The following CNTNAP2 variants were observed in gnomAD, a reference collection of about 807,000 sequenced individuals.
The protein encoded by CNTNAP2 is contactin associated protein 2, also known as contactin-associated protein-like 2.
Under a neutral mutation model 155.2 loss-of-function variants are expected in CNTNAP2, and 98 were observed. The ratio of observed to expected loss-of-function variants is 0.63; its 90% CI spans 0.54 to 0.75. CNTNAP2 has a LOEUF of 0.75. Among genes scored for constraint, CNTNAP2 ranks in the 30% least tolerant of loss-of-function variants. The pLI, the probability that CNTNAP2 is intolerant of heterozygous loss-of-function variation, is 0.00. For missense variants in CNTNAP2, 1,727 were observed against 1,688.1 expected (o/e 1.02, Z -0.40); for synonymous variants, 651 against 631.2 (o/e 1.03, Z -0.47).
At chr7:148,000,858 G>A (rs1801883824) in intron 15 of CNTNAP2, among the ~76,000 whole-genome samples, 1 of 152,212 alleles carries the variant, frequency 6.6e-6, no homozygotes, top group Admixed American at 6.5e-5. Context: ...GGAGCCAGAA[G>A]TTCAAAGTCA....
chr7:147,608,687 G>C (rs144797314), intron 12 of CNTNAP2, among the ~76,000 whole-genome samples: 169 of 152,272 alleles, frequency 1.1e-3, no homozygotes, highest in Non-Finnish European at 1.9e-3. Flanking sequence ...ATGAAGAAAG[G>C]GTTAAGGAGT....
intron 4 of CNTNAP2, among the ~76,000 whole-genome samples, chr7:147,104,425 G>A (rs750700382): frequency 2.6e-5 from 4 of 151,676 alleles, no homozygotes; most frequent in African/African-American, 7.3e-5. Flanking sequence ...ATGTACATAC[G>A]TAAAGATTCT....
intron 8 of CNTNAP2, among the ~76,000 whole-genome samples, chr7:147,262,020 G>A (rs1250530805): frequency 2.0e-5 from 3 of 152,244 alleles, no homozygotes; most frequent in Non-Finnish European, 2.9e-5. Context: ...AGATTTTTGG[G>A]TGCTTACCGT....
intron 21 of CNTNAP2, among the ~76,000 whole-genome samples, chr7:148,308,979 A>G (rs1563035686): frequency 6.6e-6 from 1 of 152,110 alleles, no homozygotes; most frequent in African/African-American, 2.4e-5. Context: ...TCTATCATTG[A>G]TGGGCATTTG....
intron 1 of CNTNAP2, among the ~76,000 whole-genome samples, chr7:146,434,809 A>T (rs1020473516): frequency 2.0e-5 from 3 of 151,630 alleles, no homozygotes; most frequent in African/African-American, 7.3e-5. Flanking sequence ...ATTGTTTTAT[A>T]CTTAATTCCT....
intron 8 of CNTNAP2, among the ~76,000 whole-genome samples, chr7:147,206,887 A>G (rs1000373866): frequency 1.5e-4 from 23 of 152,224 alleles, no homozygotes; most frequent in African/African-American, 5.5e-4. Context: ...AATGAGATAC[A>G]ATACAGAGAA....
chr7:146,173,280 T>C (rs1798421131), intron 1 of CNTNAP2, among the ~76,000 whole-genome samples: 1 of 152,224 alleles, frequency 6.6e-6, no homozygotes. Context: ...TATTAAGGAT[T>C]GAATAATACA....
At chr7:147,630,809 G>A (rs1795074338) in intron 12 of CNTNAP2, among the ~76,000 whole-genome samples, 1 of 152,070 alleles carries the variant, frequency 6.6e-6, no homozygotes, top group Non-Finnish European at 1.5e-5. Flanking sequence ...AATTGGCATA[G>A]AAGGGATGTA....
intron 8 of CNTNAP2, among the ~76,000 whole-genome samples, chr7:147,283,331 A>C (rs2116730319): frequency 6.6e-6 from 1 of 151,998 alleles, no homozygotes; most frequent in East Asian, 1.9e-4. Context: ...TTTTTTAAAA[A>C]AAACTGAACA....
At chr7:146,553,690 T>C (rs1798154104) in intron 1 of CNTNAP2, among the ~76,000 whole-genome samples, 1 of 152,178 alleles carries the variant, frequency 6.6e-6, no homozygotes, top group South Asian at 2.1e-4. Context: ...ATACAAAGAT[T>C]ACTATGCAAA....
intron 16 of CNTNAP2, among the ~76,000 whole-genome samples, chr7:148,132,300 G>C (rs571036570): frequency 1.8e-4 from 27 of 152,196 alleles, no homozygotes; most frequent in Non-Finnish European, 3.2e-4. Flanking sequence ...TCTTATACGG[G>C]AGTGTGGTCA....
At chr7:147,545,914 C>T (rs1017128278) in intron 11 of CNTNAP2, among the ~76,000 whole-genome samples, 1 of 152,044 alleles carries the variant, frequency 6.6e-6, no homozygotes, top group African/African-American at 2.4e-5. Flanking sequence ...AATAAGTCTC[C>T]AAGATCTGAT....
At position 147,711,741 on chromosome 7, in the gene CNTNAP2, T is replaced by G. The variant is rs555906985; in HGVS notation, c.2098+72435T>G. ...GATTCCATTTTTAACACAGGATGTC[T>G]ATTATTAAGACAATCAGCTAAGATG... On this transcript the variant is annotated intron_variant, in intron 13 of 23. Transcript: ENST00000361727. 6.6e-5 allele frequency among the ~76,000 whole-genome samples: 10 copies of G among 152,308 alleles called. No homozygotes were observed. In the South Asian group the frequency reaches 2.1e-3, roughly 32 times the overall value.
chr7:146,519,386 T>C (rs926784378), intron 1 of CNTNAP2, among the ~76,000 whole-genome samples: 2 of 151,866 alleles, frequency 1.3e-5, no homozygotes, highest in Admixed American at 1.3e-4. Context: ...CAAGAGTTTT[T>C]CAACTCTACT....
rs1386546031 is a variant in CNTNAP2, at chr7:148,086,405, T to C, written c.2384-31713T>C. ...AAACTAGTGCTCCAACAAATTAAAT[T>C]TTCCAAACACTGAAATATTGATCAC... is the stretch of plus-strand genomic sequence containing the variant. On this transcript the variant is annotated intron_variant, in intron 15 of 23. Transcript: ENST00000361727. Among the ~76,000 whole-genome samples the C allele has an allele frequency of 2.0e-5, 3 of 152,302 alleles. No individual in the cohort carries two copies. In the East Asian group the frequency reaches 5.8e-4, roughly 29 times the overall value.
intron 1 of CNTNAP2, among the ~76,000 whole-genome samples, chr7:146,761,284 T>TGGAAGGAAGGAAGGAA (rs369635102): frequency 3.8e-4 from 55 of 144,658 alleles, no homozygotes; most frequent in African/African-American, 1.1e-3. Flanking sequence ...TCATAATTGC[T>TGGAAGGAAGGAAGGAA]GGAAGGAAGG....
At chr7:147,218,577 T>C (rs552464216) in intron 8 of CNTNAP2, among the ~76,000 whole-genome samples, 11,014 of 152,174 alleles carry the variant, frequency 0.072, 434 homozygotes, top group Non-Finnish European at 0.09. Context: ...TGTTTTTTTT[T>C]TCTTGTTTAA....
At chr7:146,911,924 T>C (rs1796292073) in intron 3 of CNTNAP2, among the ~76,000 whole-genome samples, 1 of 152,152 alleles carries the variant, frequency 6.6e-6, no homozygotes, top group Non-Finnish European at 1.5e-5. Flanking sequence ...CATAGAGAGG[T>C]ATAAATATTT....
intron 3 of CNTNAP2, among the ~76,000 whole-genome samples, chr7:146,933,969 A>T (rs1281572849): frequency 6.6e-6 from 1 of 152,134 alleles, no homozygotes; most frequent in Non-Finnish European, 1.5e-5. Context: ...GTGGAGAAAT[A>T]GGAACACTTT....
Sources: gnomAD v4.1 joint callset for allele counts (sites outside exome capture counted in the v4.1 genomes callset) on GRCh38, gnomAD v4.1.1 for gene constraint, MANE v1.5 for transcripts, NCBI Gene and HGNC (gene_info 2026-07-23, HGNC 2026-07-21) for gene names.